The following ACSL1 variants were observed in gnomAD, a reference collection of about 807,000 sequenced individuals.
ACSL1 encodes the protein long-chain-fatty-acid--CoA ligase 1.
A neutral mutation model predicts 98.4 loss-of-function variants in ACSL1; 41 were observed. The observed-to-expected ratio is 0.42, with a 90% CI of 0.32 to 0.54. ACSL1 has a LOEUF of 0.54. Among genes scored for constraint, ACSL1 ranks in the 20% least tolerant of loss-of-function variants. The pLI is 0.13. For missense variants in ACSL1, 734 were observed against 883.1 expected (o/e 0.83, Z 2.14); for synonymous variants, 316 against 322.7 (o/e 0.98, Z 0.22).
intron 1 of ACSL1, among the ~76,000 whole-genome samples, chr4:184,811,836 A>C (rs1772145082): frequency 1.3e-5 from 2 of 152,210 alleles, no homozygotes; most frequent in Non-Finnish European, 2.9e-5. Flanking sequence ...TTTTACCACA[A>C]TAAAAAAAGT....
intron 1 of ACSL1, among the ~76,000 whole-genome samples, chr4:184,821,787 G>A (rs1211595706): frequency 6.6e-6 from 1 of 152,114 alleles, no homozygotes; most frequent in Non-Finnish European, 1.5e-5. Context: ...ATGTAACAAC[G>A]TGTAAAAAAG....
intron 2 of ACSL1, among the ~76,000 whole-genome samples, chr4:184,800,446 C>T (rs534613153): frequency 1.3e-5 from 2 of 152,252 alleles, no homozygotes; most frequent in African/African-American, 4.8e-5. Flanking sequence ...CACTAGGGGG[C>T]CATGGGGCTT....
chr4:184,801,162 C>A (rs1770448794), intron 2 of ACSL1, among the ~76,000 whole-genome samples: 1 of 152,132 alleles, frequency 6.6e-6, no homozygotes, highest in Non-Finnish European at 1.5e-5. Context: ...GCTCTACAAT[C>A]CTGATTTTTA....
intron 16 of ACSL1, 119 bp from the exon 17 acceptor site, chr4:184,762,642 C>G: frequency 1.1e-6 from 1 of 873,116 alleles, no homozygotes; most frequent in Non-Finnish European, 1.9e-6. Context: ...CCCTAAACTC[C>G]AGGATGCAGA....
Position 184,776,579 on chromosome 4 carries a change from G to A in ACSL1, c.661C>T (p.Leu221Phe), listed in dbSNP as rs1487497749. Residue 221 changes from leucine to phenylalanine, a missense_variant, in exon 7 of 21, where the codon CTT (leucine) becomes TTT (phenylalanine). Physicochemically the swap from Leu to Phe is conservative, Grantham distance 22 (BLOSUM62 0). Transcript: ENST00000281455. ...GCATCCATGACAACTATGATTTTAAGGCCTGGTATTAACTTATTTTCTACA... is the reference window on the plus strand; with the variant it reads ...GCATCCATGACAACTATGATTTTAAAGCCTGGTATTAACTTATTTTCTACA... ...EGVENKLIPG[L>F]KIIVVMDAYG... The A allele has an allele frequency of 1.2e-6, 2 of 1,614,066 alleles. No homozygotes were observed. Among genetic ancestry groups the A allele is most frequent in the South Asian group, 1.1e-5 (1 of 91,080 alleles).
In ACSL1 at chr4:184,773,203, A is replaced by C; in HGVS notation, c.842-49T>G. On this transcript the variant is annotated intron_variant, in intron 9 of 20. Transcript: ENST00000281455. The surrounding 1 kb of genome is among the most constrained non-coding windows in gnomAD (Gnocchi z 4.3). Reference sequence around the variant, plus strand: ...ACAAAGTTAAAGAATGACAGAAATGAAGGAGGCCCAGAAACCTCACATAAT... The same window carrying C: ...ACAAAGTTAAAGAATGACAGAAATGCAGGAGGCCCAGAAACCTCACATAAT... 6.5e-7 allele frequency: 1 copy of C among 1,540,070 alleles called. No individual in the cohort carries two copies. The highest frequency in any genetic ancestry group is 9.0e-7 in the Non-Finnish European group (1 of 1,114,944).
chr4:184,769,576 A>C (rs976034968), intron 11 of ACSL1, among the ~76,000 whole-genome samples: 1 of 152,142 alleles, frequency 6.6e-6, no homozygotes, highest in Non-Finnish European at 1.5e-5. Context: ...AACCCAGAAG[A>C]CTCTGAGGTG....
intron 17 of ACSL1, among the ~76,000 whole-genome samples, chr4:184,760,721 G>A (rs964535293): frequency 1.3e-5 from 2 of 152,204 alleles, no homozygotes; most frequent in Non-Finnish European, 2.9e-5. Context: ...CAGAGACAGA[G>A]AAGGGGTCCT....
chr4:184,777,225 T>C (rs909364927), intron 5 of ACSL1, among the ~76,000 whole-genome samples: 1 of 152,208 alleles, frequency 6.6e-6, no homozygotes, highest in African/African-American at 2.4e-5. Context: ...CCCAGCACTT[T>C]GGGAGGCCAA....
chr4:184,757,601 T>C lies in ACSL1; in HGVS notation c.1956+34A>G, dbSNP rs1762280830. On this transcript the variant is annotated intron_variant, in intron 20 of 20. Coordinates refer to ENST00000281455, the MANE Select transcript of ACSL1 (RefSeq NM_001995.5). This position sits in a 1 kb window ranked among gnomAD's most constrained non-coding sequence, Gnocchi z 4.5. ...AAAAATCTTAATGGAAAATTTGTTT[T>C]ACAGGAATTCACCCACTCAGATGAA... The C allele has an allele frequency of 6.3e-7, 1 of 1,584,836 alleles. No homozygotes were observed. The highest frequency in any genetic ancestry group is 8.6e-7 in the Non-Finnish European group (1 of 1,166,576).
intron 18 of ACSL1, 64 bp downstream of exon 18, chr4:184,760,293 C>T: frequency 1.3e-6 from 2 of 1,564,458 alleles, no homozygotes; most frequent in Non-Finnish European, 1.7e-6. Flanking sequence ...ACATTTAAAG[C>T]CCCTGGAGTA....
intron 15 of ACSL1, among the ~76,000 whole-genome samples, chr4:184,764,547 T>C (rs1009620666): frequency 2.6e-5 from 4 of 152,150 alleles, no homozygotes; most frequent in African/African-American, 9.7e-5. Flanking sequence ...GGAAGCTCTG[T>C]TGGGCCAGAC....
intron 1 of ACSL1, chr4:184,813,734 A>G (rs2150485297): frequency 2.4e-6 from 1 of 415,378 alleles, no homozygotes. Flanking sequence ...CCACAAAGTA[A>G]GCCCTGAAGC....
chr4:184,822,014 T>TA (rs1188222979), intron 1 of ACSL1, among the ~76,000 whole-genome samples: 8 of 152,202 alleles, frequency 5.3e-5, no homozygotes, highest in African/African-American at 1.7e-4. Context: ...GAAAAACAAA[T>TA]ACAGCTTTTC....
intron 1 of ACSL1, chr4:184,812,361 G>T: frequency 2.7e-6 from 1 of 365,652 alleles, no homozygotes; most frequent in Non-Finnish European, 3.8e-6. Flanking sequence ...TGTCTCTGCA[G>T]CAAGTCCCTT....
At chr4:184,792,767 C>T (rs150739567) in intron 2 of ACSL1, among the ~76,000 whole-genome samples, 3 of 152,142 alleles carry the variant, frequency 2.0e-5, no homozygotes, top group African/African-American at 7.2e-5. Context: ...AACAGAAATG[C>T]TATATTTAAA....
chr4:184,785,025 G>A (rs1253238129), intron 3 of ACSL1, among the ~76,000 whole-genome samples: 1 of 152,176 alleles, frequency 6.6e-6, no homozygotes, highest in African/African-American at 2.4e-5. Flanking sequence ...AAACAGAGAC[G>A]GGCGCACTGC....
At chr4:184,806,943 A>G (rs377024576) in intron 1 of ACSL1, among the ~76,000 whole-genome samples, 3 of 152,252 alleles carry the variant, frequency 2.0e-5, no homozygotes, top group Admixed American at 6.5e-5. Flanking sequence ...CTAAGACAAT[A>G]GCTCATTTAG....
rs988377119 is a variant in ACSL1 at position 184,825,742 on chromosome 4, C to T, written c.-33+174G>A. On this transcript the variant is annotated intron_variant, in intron 1 of 20. Transcript: ENST00000281455. This position sits in a 1 kb window ranked among gnomAD's most constrained non-coding sequence, Gnocchi z 4.7. ...CCGGCTGCCGAGGGAAGCGGGGCCG[C>T]GGGCAGGAGGCCGGAAAGGCGGCGC... Among the ~76,000 whole-genome samples the T allele has an allele frequency of 5.3e-5, 8 of 149,832 alleles. 1 individual carries two copies. The highest frequency in any genetic ancestry group is 4.6e-4 in the Admixed American group (7 of 15,072).
Sources: gnomAD v4.1 joint callset for allele counts (sites outside exome capture counted in the v4.1 genomes callset) on GRCh38, gnomAD v4.1.1 for gene constraint, Gnocchi (gnomAD v3.1) non-coding constraint, MANE v1.5 for transcripts, NCBI Gene and HGNC (gene_info 2026-07-23, HGNC 2026-07-21) for gene names.